HSPA4: variants seen among roughly 807,000 people sequenced by gnomAD.
HSPA4 encodes the protein heat shock protein family A (Hsp70) member 4.
In HSPA4, 25 loss-of-function variants were observed where a neutral mutation model predicts 106.2. The ratio of observed to expected loss-of-function variants is 0.24; its 90% CI spans 0.17 to 0.33. The LOEUF is 0.33. HSPA4 is among the 10% of genes least tolerant of loss of function. The pLI is 1.00. For missense variants in HSPA4, 841 were observed against 996.0 expected, an observed-to-expected ratio of 0.84 and a Z score of 2.10; for synonymous variants, 332 against 333.6, an observed-to-expected ratio of 1.00 and a Z score of 0.05.
intron 7 of HSPA4, among the ~76,000 whole-genome samples, chr5:133,086,412 C>T (rs140219087): frequency 1.5e-3 from 226 of 152,324 alleles, no homozygotes; most frequent in African/African-American, 5.1e-3. Context: ...ATTAGTTCCT[C>T]TTATTGTATT....
intron 7 of HSPA4, among the ~76,000 whole-genome samples, chr5:133,077,556 A>G (rs1311302264): frequency 1.3e-5 from 2 of 152,008 alleles, no homozygotes; most frequent in Non-Finnish European, 2.9e-5. Flanking sequence ...TTCTTTTTGA[A>G]ATATTCGGGT....
At chr5:133,067,630 CT>C in intron 3 of HSPA4, 73 bp downstream of exon 3, 1 of 1,256,932 alleles carries the variant, frequency 8.0e-7, no homozygotes, top group Non-Finnish European at 1.1e-6. Flanking sequence ...TCTATCTGTA[CT>C]TTTCTGATGT....
chr5:133,064,874 A>G (rs1319464341), intron 1 of HSPA4, 106 bp from the exon 2 acceptor site: 2 of 970,520 alleles, frequency 2.1e-6, no homozygotes, highest in African/African-American at 1.6e-5. Context: ...GATTTGTACC[A>G]TTAAAATATA....
Position 133,096,261 on chromosome 5 carries a change from A to T in HSPA4, c.1803+11A>T. The T allele has an allele frequency of 6.2e-7, 1 of 1,610,126 alleles. No homozygotes were observed. The highest frequency in any genetic ancestry group is 8.5e-7 in the Non-Finnish European group (1 of 1,177,252). On this transcript the variant is annotated intron_variant, in intron 14 of 18. Coordinates refer to ENST00000304858, the MANE Select transcript of HSPA4 (RefSeq NM_002154.4). ...TACATTGAAAATGAGGTTGTTATTTAAAGTCTATTGGAACAATGAGCTAAC... is the reference window on the plus strand; with the variant it reads ...TACATTGAAAATGAGGTTGTTATTTTAAGTCTATTGGAACAATGAGCTAAC...
In HSPA4 at chr5:133,096,267, T is replaced by G. The variant is rs1332206201; in HGVS notation, c.1803+17T>G. ...GAAAATGAGGTTGTTATTTAAAGTC[T>G]ATTGGAACAATGAGCTAACAAATTA... On this transcript the variant is annotated intron_variant, in intron 14 of 18. Transcript: ENST00000304858. 3 of 1,606,092 alleles carry G rather than the reference T, an allele frequency of 1.9e-6. No individual in the cohort carries two copies. The highest frequency in any genetic ancestry group is 2.6e-6 in the Non-Finnish European group (3 of 1,174,376).
intron 3 of HSPA4, 41 bp downstream of exon 3, chr5:133,067,598 ATTATAT>A (rs934819760): frequency 1.2e-5 from 18 of 1,488,954 alleles, no homozygotes; most frequent in Non-Finnish European, 1.5e-5. Flanking sequence ...AAAATGCATT[ATTATAT>A]TTTATCAGTT....
intron 2 of HSPA4, among the ~76,000 whole-genome samples, chr5:133,066,225 G>C (rs1765303785): frequency 6.6e-6 from 1 of 152,136 alleles, no homozygotes; most frequent in Non-Finnish European, 1.5e-5. Context: ...CTGTTTGGCA[G>C]CTTGCTCGAG....
intron 7 of HSPA4, among the ~76,000 whole-genome samples, chr5:133,081,588 G>A (rs1410946944): frequency 1.3e-5 from 2 of 152,124 alleles, no homozygotes; most frequent in Non-Finnish European, 2.9e-5. Flanking sequence ...TTCAGCTGCT[G>A]TTTTCAATTT....
At chr5:133,100,726 C>G (rs1561587438) in intron 16 of HSPA4, among the ~76,000 whole-genome samples, 1 of 152,146 alleles carries the variant, frequency 6.6e-6, no homozygotes, top group African/African-American at 2.4e-5. Context: ...AAAATTGAGG[C>G]CTTTTGTTCA....
At chr5:133,060,067 A>ATTT (rs1765218994) in intron 1 of HSPA4, among the ~76,000 whole-genome samples, 1 of 84,612 alleles carries the variant, frequency 1.2e-5, no homozygotes, top group Non-Finnish European at 2.3e-5. Context: ...TATCAGTTTT[A>ATTT]CTTTTTTTTT....
chr5:133,070,576 G>T, intron 4 of HSPA4, 80 bp downstream of exon 4: 1 of 1,530,238 alleles, frequency 6.5e-7, no homozygotes. Context: ...AAGTAAACTT[G>T]TTTTTTTGTC....
chr5:133,072,394 T>TTTTTTGTTTTTTG (rs1312880373), intron 4 of HSPA4, among the ~76,000 whole-genome samples: 3 of 111,742 alleles, frequency 2.7e-5, no homozygotes, highest in African/African-American at 1.5e-4. Flanking sequence ...CCAGGGTTGT[T>TTTTTTGTTTTTTG]TTTTTTTTTT....
chr5:133,082,631 A>G (rs1406548276), intron 7 of HSPA4, among the ~76,000 whole-genome samples: 1 of 151,772 alleles, frequency 6.6e-6, no homozygotes, highest in Non-Finnish European at 1.5e-5. Flanking sequence ...ATATCTGGCC[A>G]ATTTTTGTAT....
chr5:133,058,901 G>A (rs1266841235), intron 1 of HSPA4, among the ~76,000 whole-genome samples: 1 of 152,040 alleles, frequency 6.6e-6, no homozygotes, highest in Non-Finnish European at 1.5e-5. Flanking sequence ...GCCGAGGTGG[G>A]CAAATCCCCT....
At chr5:133,099,676 G>T in intron 16 of HSPA4, 24 bp downstream of exon 16, 2 of 1,324,198 alleles carry the variant, frequency 1.5e-6, no homozygotes, top group Non-Finnish European at 2.2e-6. Flanking sequence ...GAGAGCAGAG[G>T]TATCCAGAAC....
Position 133,085,489 on chromosome 5 carries a change from T to TAAAA in HSPA4, c.909-1283_909-1280dup, listed in dbSNP as rs747012950. Among the ~76,000 whole-genome samples the TAAAA allele has an allele frequency of 2.7e-4, 30 of 110,272 alleles. 3 individuals carry two copies. Among genetic ancestry groups the TAAAA allele is most frequent in the African/African-American group, 1.4e-3 (29 of 20,114 alleles). The allele number at this position is 110,272 out of a possible 152,430, so 72.3% of individuals were successfully genotyped here. ...CAACATGGTGAAATCCCATCTCTAC[T>TAAAA]AAAAAAAAAAAAATACAAAATTAGC... On this transcript the variant is annotated intron_variant, in intron 7 of 18. Coordinates refer to ENST00000304858, the MANE Select transcript of HSPA4 (RefSeq NM_002154.4).
intron 2 of HSPA4, among the ~76,000 whole-genome samples, chr5:133,065,404 C>T (rs957199521): frequency 1.3e-5 from 2 of 152,146 alleles, no homozygotes; most frequent in African/African-American, 4.8e-5. Context: ...AGGTTATAGG[C>T]CAATACTATG....
chr5:133,080,208 G>A (rs913688792), intron 7 of HSPA4, among the ~76,000 whole-genome samples: 2 of 151,476 alleles, frequency 1.3e-5, no homozygotes, highest in African/African-American at 4.9e-5. Flanking sequence ...GAGCTCAGGA[G>A]TTCGAGACCA....
At chr5:133,099,688 C>G in intron 16 of HSPA4, 36 bp downstream of exon 16, 1 of 1,091,426 alleles carries the variant, frequency 9.2e-7, no homozygotes, top group Non-Finnish European at 1.4e-6. Flanking sequence ...ATCCAGAACC[C>G]TTGTTGAAGC....
Sources: gnomAD v4.1 joint callset for allele counts (sites outside exome capture counted in the v4.1 genomes callset) on GRCh38, gnomAD v4.1.1 for gene constraint, MANE v1.5 for transcripts, NCBI Gene and HGNC (gene_info 2026-07-23, HGNC 2026-07-21) for gene names.